TRAM2: variants seen among roughly 807,000 people sequenced by gnomAD.
TRAM2 encodes translocating chain-associated membrane protein 2.
In TRAM2, 12 loss-of-function variants were observed where a neutral mutation model predicts 51.0. That is an observed-to-expected ratio of 0.24 (90% CI 0.15 to 0.38). The LOEUF (loss-of-function observed/expected upper bound fraction) is 0.38. TRAM2 is among the 10% of genes least tolerant of loss of function. The pLI, the probability that TRAM2 is intolerant of heterozygous loss-of-function variation, is 1.00. For synonymous variants in TRAM2, 175 were observed against 179.4 expected (o/e 0.98, Z 0.20); for missense variants, 361 against 462.0 (o/e 0.78, Z 2.00).
At chr6:52,536,669 G>A (rs1766981614) in intron 1 of TRAM2, among the ~76,000 whole-genome samples, 2 of 152,182 alleles carry the variant, frequency 1.3e-5, no homozygotes, top group South Asian at 2.1e-4. Context: ...AGGGGTGCTT[G>A]TAATACCTCA....
Position 52,552,896 on chromosome 6 carries a change from T to C in TRAM2, c.121-17050A>G, listed in dbSNP as rs143564409. ...GTCAAAGACTCCCCACCTTTCCTTATAGCCCCTTGTTGGCTTTTTCCTTTA... is the reference window on the plus strand; with the variant it reads ...GTCAAAGACTCCCCACCTTTCCTTACAGCCCCTTGTTGGCTTTTTCCTTTA... On this transcript the variant is annotated intron_variant, in intron 1 of 10. Transcript: ENST00000182527. Among the ~76,000 whole-genome samples the C allele has an allele frequency of 2.2e-4, 34 of 152,328 alleles. No individual in the cohort carries two copies. The East Asian group carries it at 6.6e-3, about 29-fold the overall frequency.
At chr6:52,511,772 C>T (rs1005595616) in intron 4 of TRAM2, among the ~76,000 whole-genome samples, 7 of 150,940 alleles carry the variant, frequency 4.6e-5, no homozygotes, top group African/African-American at 1.5e-4. Context: ...AATAACCTGA[C>T]TGATAAGTCC....
chr6:52,576,940 G>A lies in TRAM2; in HGVS notation c.-25C>T. On this transcript the variant is annotated 5_prime_UTR_variant, in exon 1 of 11. Transcript: ENST00000182527. Reference sequence around the variant, plus strand: ...TGGCAGCGGGCGCGCAGCGGCCGGCGGGGCCCGCACCCTGCGCTCACGAAC... The same window carrying A: ...TGGCAGCGGGCGCGCAGCGGCCGGCAGGGCCCGCACCCTGCGCTCACGAAC... 1.9e-6 allele frequency: 3 copies of A among 1,595,912 alleles called. No individual in the cohort carries two copies. The highest frequency in any genetic ancestry group is 1.1e-5 in the South Asian group (1 of 89,268).
rs1364365300 is a variant in TRAM2 at position 52,499,496 on chromosome 6, G to A, written c.*3701C>T. The A allele has an allele frequency of 6.6e-6, 1 of 152,152 alleles. No individual in the cohort carries two copies. Among genetic ancestry groups the A allele is most frequent in the Admixed American group, 6.5e-5 (1 of 15,278 alleles). The allele number at this position is 152,152 out of a possible 1,614,324, so 9.4% of individuals were successfully genotyped here. ...CGAAGGCCTTTTCTAGGCACAAGGG[G>A]GTCGGCAACCCACTTCCAATTAAAG... On this transcript the variant is annotated 3_prime_UTR_variant, in exon 11 of 11. Coordinates refer to ENST00000182527, the MANE Select transcript of TRAM2 (RefSeq NM_012288.4).
intron 1 of TRAM2, among the ~76,000 whole-genome samples, chr6:52,576,229 C>G (rs1767762395): frequency 6.6e-6 from 1 of 152,158 alleles, no homozygotes; most frequent in African/African-American, 2.4e-5. Context: ...GGGAGCGAGA[C>G]GAGAGCAGAA....
chr6:52,511,414 C>T (rs894031769), intron 4 of TRAM2, among the ~76,000 whole-genome samples: 1 of 152,172 alleles, frequency 6.6e-6, no homozygotes, highest in African/African-American at 2.4e-5. Flanking sequence ...TTTTCAGTAG[C>T]ACAGCTGAAA....
Position 52,516,617 on chromosome 6 carries a change from A to T in TRAM2, c.294+11T>A. 1 of 1,608,266 alleles carries T rather than the reference A, an allele frequency of 6.2e-7. No individual in the cohort carries two copies. ...CAGCTTCTGATCTCAGAATCCAGAC[A>T]TGTCACTTACATCTAAAATGTACTC... is the stretch of plus-strand genomic sequence containing the variant. On this transcript the variant is annotated intron_variant, in intron 3 of 10. Transcript: ENST00000182527.
intron 8 of TRAM2, 25 bp from the exon 9 acceptor site, chr6:52,505,767 T>C: frequency 6.3e-7 from 1 of 1,584,484 alleles, no homozygotes; most frequent in Non-Finnish European, 8.6e-7. Flanking sequence ...AGAAGAGGGA[T>C]GTCAGTCTTT....
intron 1 of TRAM2, among the ~76,000 whole-genome samples, chr6:52,570,623 G>C (rs1403255888): frequency 6.6e-6 from 1 of 152,144 alleles, no homozygotes; most frequent in African/African-American, 2.4e-5. Flanking sequence ...GGTGAGGCGA[G>C]TGAAGCATTT....
chr6:52,500,417 A>AG lies in TRAM2; in HGVS notation c.*2779dup, dbSNP rs1242791343. ...ACGTGCCAGGGAGGGTGGCAGGGGG[A>AG]GGGGGGTGACAAAGTACCCTACAAC... is the stretch of plus-strand genomic sequence containing the variant. On this transcript the variant is annotated 3_prime_UTR_variant, in exon 11 of 11. Transcript: ENST00000182527. 6.6e-6 allele frequency: 1 copy of AG among 151,262 alleles called. No homozygotes were observed. Among genetic ancestry groups the AG allele is most frequent in the Non-Finnish European group, 1.5e-5 (1 of 67,832 alleles). 9.4% of individuals were successfully genotyped at this position (151,262 alleles called of 1,614,324 possible).
At chr6:52,506,440 G>C (rs1197759734) in intron 7 of TRAM2, among the ~76,000 whole-genome samples, 1 of 152,116 alleles carries the variant, frequency 6.6e-6, no homozygotes, top group Admixed American at 6.6e-5. Context: ...TCATCACCTA[G>C]GCTGGAACCA....
Position 52,498,567 on chromosome 6 carries a change from G to A in TRAM2, c.*4630C>T, listed in dbSNP as rs9367486. 20,778 of 152,104 alleles carry A rather than the reference G, an allele frequency of 0.14. 1,898 individuals carry two copies. The highest frequency in any genetic ancestry group is 0.2 in the Non-Finnish European group (13,660 of 67,976). The allele number at this position is 152,104 out of a possible 1,614,324, so 9.4% of individuals were successfully genotyped here. On this transcript the variant is annotated 3_prime_UTR_variant, in exon 11 of 11. Transcript: ENST00000182527. ...TATGTGGGGCCAGAGGAGAGTTTTC[G>A]AAGTGGGGGCTGGAAGCTCTGGGCT...
intron 4 of TRAM2, among the ~76,000 whole-genome samples, chr6:52,515,267 C>T (rs1243680951): frequency 6.6e-6 from 1 of 152,162 alleles, no homozygotes; most frequent in Non-Finnish European, 1.5e-5. Context: ...GTGGTGGGTA[C>T]TAACTCAATA....
At chr6:52,547,672 C>T (rs1581695833) in intron 1 of TRAM2, among the ~76,000 whole-genome samples, 1 of 152,224 alleles carries the variant, frequency 6.6e-6, no homozygotes, top group East Asian at 1.9e-4. Flanking sequence ...ACAGGCAGGG[C>T]CACCTAGATG....
chr6:52,504,449 CA>C (rs1321977350), intron 10 of TRAM2, 141 bp downstream of exon 10: 5 of 1,438,926 alleles, frequency 3.5e-6, no homozygotes, highest in Admixed American at 4.8e-5. Context: ...CTAGGAGCCC[CA>C]GCCCTGAGGT....
chr6:52,571,655 C>A (rs2114111537), intron 1 of TRAM2, among the ~76,000 whole-genome samples: 1 of 152,330 alleles, frequency 6.6e-6, no homozygotes, highest in East Asian at 1.9e-4. Context: ...GCAGCTGCAC[C>A]ACCAGGCTCC....
Position 52,501,591 on chromosome 6 carries a change from G to A in TRAM2, c.*1606C>T, listed in dbSNP as rs1766225674. On this transcript the variant is annotated 3_prime_UTR_variant, in exon 11 of 11. Transcript: ENST00000182527. ...GACAGAATTTCGCTCTTGTTGTCCA[G>A]GCTGGAGTGCCATGGTACAATCTCC... 1 of 152,204 alleles carries A rather than the reference G, an allele frequency of 6.6e-6. No individual in the cohort carries two copies. The highest frequency in any genetic ancestry group is 2.1e-4 in the South Asian group (1 of 4,828). The allele number at this position is 152,204 out of a possible 1,614,324, so 9.4% of individuals were successfully genotyped here. A position where few individuals can be genotyped will look rare whatever the true frequency, so the allele number is the denominator to read the frequency against.
At chr6:52,536,869 C>T (rs530445395) in intron 1 of TRAM2, among the ~76,000 whole-genome samples, 3 of 152,204 alleles carry the variant, frequency 2.0e-5, no homozygotes, top group South Asian at 2.1e-4. Flanking sequence ...GGAGACACCT[C>T]GTCAATAAAG....
At position 52,498,246 on chromosome 6, in the gene TRAM2, GGA is replaced by G. The variant is rs1166952817; in HGVS notation, c.*4949_*4950del. 2.0e-5 allele frequency: 3 copies of G among 152,576 alleles called. No homozygotes were observed. The highest frequency in any genetic ancestry group is 4.4e-5 in the Non-Finnish European group (3 of 68,038). 9.5% of individuals were successfully genotyped at this position (152,576 alleles called of 1,614,324 possible). Reference sequence around the variant, plus strand: ...AGGCTGTGGAAAGGACCACTGGCTGGGAGAGTTATTGCACAACCCGGAAGAGT... The same window carrying G: ...AGGCTGTGGAAAGGACCACTGGCTGGGAGTTATTGCACAACCCGGAAGAGT... On this transcript the variant is annotated 3_prime_UTR_variant, in exon 11 of 11. Coordinates refer to ENST00000182527, the MANE Select transcript of TRAM2 (RefSeq NM_012288.4).
Sources: allele counts gnomAD v4.1 joint callset (sites outside exome capture counted in the v4.1 genomes callset), GRCh38; gene constraint gnomAD v4.1.1; transcripts MANE v1.5; gene names NCBI Gene and HGNC (gene_info 2026-07-23, HGNC 2026-07-21).